The following DGKB variants were observed in gnomAD, a reference collection of about 807,000 sequenced individuals.
DGKB encodes the protein 90 kDa diacylglycerol kinase.
DGKB carries 67 observed loss-of-function variants against 114.3 expected under a neutral mutation model. The ratio of observed to expected loss-of-function variants is 0.59; its 90% CI spans 0.48 to 0.72. DGKB has a LOEUF of 0.72. Among genes scored for constraint, DGKB ranks in the 30% least tolerant of loss-of-function variants. The pLI, the probability that DGKB is intolerant of heterozygous loss-of-function variation, is 0.00. For missense variants in DGKB, 907 were observed against 975.2 expected (o/e 0.93, Z 0.93); for synonymous variants, 398 against 323.1 (o/e 1.23, Z -2.49).
intron 1 of DGKB, among the ~76,000 whole-genome samples, chr7:14,929,013 C>T (rs1784875511): frequency 2.1e-5 from 3 of 140,594 alleles, no homozygotes; most frequent in Non-Finnish European, 4.6e-5. Context: ...AAAAGTACTG[C>T]ATTGTGTATA....
chr7:14,728,507 C>T (rs1055724446), intron 5 of DGKB, among the ~76,000 whole-genome samples: 12 of 152,270 alleles, frequency 7.9e-5, no homozygotes, highest in African/African-American at 2.6e-4. Flanking sequence ...TCCTAAGGTC[C>T]TTGGGGCTTT....
At chr7:14,955,407 T>C (rs36896) in intron 1 of DGKB, among the ~76,000 whole-genome samples, 19,202 of 152,040 alleles carry the variant, frequency 0.13, 1,631 homozygotes, top group Non-Finnish European at 0.19. Context: ...ACACTTTTCC[T>C]AAGCTATCTG....
At chr7:14,796,687 T>TAAAAAAA (rs59325137) in intron 2 of DGKB, among the ~76,000 whole-genome samples, 1 of 140,956 alleles carries the variant, frequency 7.1e-6, no homozygotes, top group African/African-American at 2.5e-5. Context: ...TTCTAGAAAG[T>TAAAAAAA]AAAAAAAAAA....
intron 21 of DGKB, among the ~76,000 whole-genome samples, chr7:14,468,935 C>G (rs2128882906): frequency 6.6e-6 from 1 of 151,804 alleles, no homozygotes; most frequent in South Asian, 2.1e-4. Context: ...AATCGAAAGG[C>G]AAAATCAAGG....
chr7:14,158,071 G>A (rs764459970), intron 25 of DGKB, among the ~76,000 whole-genome samples: 1 of 152,154 alleles, frequency 6.6e-6, no homozygotes, highest in Non-Finnish European at 1.5e-5. Context: ...AAGAATCTCA[G>A]TTTTGACCTT....
At chr7:14,339,732 A>T (rs1017636990) in intron 22 of DGKB, among the ~76,000 whole-genome samples, 1 of 152,008 alleles carries the variant, frequency 6.6e-6, no homozygotes, top group Admixed American at 6.6e-5. Flanking sequence ...TTTCAATTAT[A>T]AGTGAATATG....
At chr7:14,247,802 C>T (rs966750667) in intron 23 of DGKB, among the ~76,000 whole-genome samples, 5 of 151,994 alleles carry the variant, frequency 3.3e-5, no homozygotes, top group Middle Eastern at 6.8e-3. Flanking sequence ...TAGGTTGTCT[C>T]TTTATGCCTT....
In DGKB at chr7:14,696,337, C is replaced by CA. The variant is rs539415843; in HGVS notation, c.591+1757dup. Among the ~76,000 whole-genome samples, 990 of 150,188 alleles carry CA rather than the reference C, an allele frequency of 6.6e-3. 6 individuals are homozygous for CA. The highest frequency in any genetic ancestry group is 0.016 in the South Asian group (77 of 4,742). ...TGAAACCCCGTCTCTACTAAAAATA[C>CA]AAAAAAAATTAGCCGGGCGCGGTGG... On this transcript the variant is annotated intron_variant, in intron 8 of 25. Coordinates refer to ENST00000402815, the MANE Select transcript of DGKB (RefSeq NM_001350709.2).
chr7:14,944,957 G>C (rs1218822538), intron 1 of DGKB, among the ~76,000 whole-genome samples: 4 of 151,592 alleles, frequency 2.6e-5, no homozygotes, highest in Admixed American at 6.6e-5. Flanking sequence ...ATTATCACCT[G>C]AAAATAATCT....
At chr7:14,866,548 T>A (rs1041048720) in intron 1 of DGKB, among the ~76,000 whole-genome samples, 1 of 152,294 alleles carries the variant, frequency 6.6e-6, no homozygotes, top group Admixed American at 6.5e-5. Flanking sequence ...CTCTATGTCT[T>A]TTCATGGCTT....
intron 18 of DGKB, among the ~76,000 whole-genome samples, chr7:14,582,650 A>G (rs62443556): frequency 0.38 from 57,302 of 151,750 alleles, 11,447 homozygotes; most frequent in East Asian, 0.68. Context: ...ATAACGATAC[A>G]AATGTATACA....
chr7:14,932,144 C>G (rs1184751096), intron 1 of DGKB, among the ~76,000 whole-genome samples: 2 of 152,194 alleles, frequency 1.3e-5, no homozygotes, highest in East Asian at 3.9e-4. Context: ...TCAAGGTGCT[C>G]TCCCATGTTC....
At chr7:14,847,868 A>G (rs566609738) in intron 1 of DGKB, among the ~76,000 whole-genome samples, 18 of 152,348 alleles carry the variant, frequency 1.2e-4, no homozygotes, top group African/African-American at 3.6e-4. Context: ...AGTAAAGAAA[A>G]AAACTACAAA....
intron 20 of DGKB, among the ~76,000 whole-genome samples, chr7:14,572,972 T>C (rs1338940008): frequency 6.7e-6 from 1 of 149,442 alleles, no homozygotes; most frequent in African/African-American, 2.4e-5. Flanking sequence ...AATTCCTTCC[T>C]GAAACTGGGA....
At chr7:14,383,269 T>C (rs1311214430) in intron 21 of DGKB, among the ~76,000 whole-genome samples, 2 of 152,188 alleles carry the variant, frequency 1.3e-5, no homozygotes, top group Non-Finnish European at 2.9e-5. Flanking sequence ...TGCCTGGTTA[T>C]ATCTGCGGTA....
chr7:14,846,272 C>A (rs1173017394), intron 1 of DGKB, among the ~76,000 whole-genome samples: 1 of 152,100 alleles, frequency 6.6e-6, no homozygotes, highest in Non-Finnish European at 1.5e-5. Flanking sequence ...TCTTTCTCAC[C>A]TTTCTTCTAG....
chr7:14,590,243 T>C (rs1455248386), intron 17 of DGKB, among the ~76,000 whole-genome samples: 1 of 152,174 alleles, frequency 6.6e-6, no homozygotes, highest in Non-Finnish European at 1.5e-5. Flanking sequence ...TTTATGATTT[T>C]AAATTCTCCT....
intron 20 of DGKB, among the ~76,000 whole-genome samples, chr7:14,548,379 C>T (rs1339491726): frequency 6.6e-6 from 1 of 152,074 alleles, no homozygotes; most frequent in Non-Finnish European, 1.5e-5. Flanking sequence ...ACGGAGTGCC[C>T]CAAATGAGTG....
chr7:14,177,384 A>G (rs760292423), intron 24 of DGKB, among the ~76,000 whole-genome samples: 7 of 151,826 alleles, frequency 4.6e-5, no homozygotes, highest in African/African-American at 7.3e-5. Flanking sequence ...GTGAAACCCC[A>G]TCTGTACTAA....
Sources: allele counts gnomAD v4.1 joint callset (sites outside exome capture counted in the v4.1 genomes callset), GRCh38; gene constraint gnomAD v4.1.1; transcripts MANE v1.5; gene names NCBI Gene and HGNC (gene_info 2026-07-23, HGNC 2026-07-21).